Variants in GALNT7 observed in about 807,000 individuals in gnomAD.
GALNT7 encodes the protein polypeptide N-acetylgalactosaminyltransferase 7.
In GALNT7, 60 loss-of-function variants were observed where a neutral mutation model predicts 82.1. The ratio of observed to expected loss-of-function variants is 0.73; its 90% CI spans 0.59 to 0.91. The LOEUF is 0.91. GALNT7 is among the 40% of genes least tolerant of loss of function. The pLI is 0.00. For synonymous variants in GALNT7, 243 were observed against 275.1 expected (o/e 0.88, Z 1.15); for missense variants, 660 against 804.2 (o/e 0.82, Z 2.17).
At chr4:173,309,111 A>C (rs1317742966) in intron 8 of GALNT7, among the ~76,000 whole-genome samples, 2 of 152,248 alleles carry the variant, frequency 1.3e-5, no homozygotes, top group Admixed American at 1.3e-4. Context: ...AACATTTTGG[A>C]AATGTTAAAA....
intron 2 of GALNT7, among the ~76,000 whole-genome samples, chr4:173,270,908 T>C (rs1276246995): frequency 6.6e-6 from 1 of 152,182 alleles, no homozygotes; most frequent in Non-Finnish European, 1.5e-5. Context: ...TCCTGCTCTA[T>C]CAGTATGACA....
rs74536499 is a variant in GALNT7 at position 173,269,630 on chromosome 4, A to C, written c.587+21190A>C. 5.5e-3 allele frequency among the ~76,000 whole-genome samples: 844 copies of C among 152,318 alleles called. 7 individuals carry two copies. Among genetic ancestry groups the C allele is most frequent in the African/African-American group, 0.019 (795 of 41,566 alleles). ...AGGCCCCAAGTGCATCACCTTTCCT[A>C]AATGGTTGGATGCTGTATTGAATCT... On this transcript the variant is annotated intron_variant, in intron 2 of 11. Coordinates refer to ENST00000265000, the MANE Select transcript of GALNT7 (RefSeq NM_017423.3).
intron 8 of GALNT7, among the ~76,000 whole-genome samples, chr4:173,311,231 T>C (rs528970126): frequency 6.6e-5 from 10 of 152,346 alleles, no homozygotes; most frequent in Non-Finnish European, 1.3e-4. Context: ...GAAAACTAAT[T>C]GCTCCTTCTT....
intron 2 of GALNT7, among the ~76,000 whole-genome samples, chr4:173,267,273 T>C (rs1461366632): frequency 6.6e-6 from 1 of 152,010 alleles, no homozygotes; most frequent in East Asian, 1.9e-4. Flanking sequence ...GTGTTGAGGG[T>C]ATGGGCAAAA....
At chr4:173,298,014 TTATC>T (rs769930744) in intron 5 of GALNT7, 97 bp from the exon 6 acceptor site, 21 of 1,538,980 alleles carry the variant, frequency 1.4e-5, no homozygotes, top group East Asian at 4.6e-5. Flanking sequence ...TGTTGAATGT[TTATC>T]TAAGTTCTTT....
At chr4:173,266,132 C>T (rs939720508) in intron 2 of GALNT7, among the ~76,000 whole-genome samples, 1 of 152,096 alleles carries the variant, frequency 6.6e-6, no homozygotes, top group South Asian at 2.1e-4. Flanking sequence ...TAGTGGCGTG[C>T]GGCCATGATC....
intron 1 of GALNT7, among the ~76,000 whole-genome samples, chr4:173,183,750 C>T (rs1167881867): frequency 6.7e-6 from 1 of 149,742 alleles, no homozygotes. Flanking sequence ...TGCCCCCCAC[C>T]TCCCGGACGG....
At chr4:173,206,192 G>T (rs888649426) in intron 1 of GALNT7, among the ~76,000 whole-genome samples, 3 of 152,204 alleles carry the variant, frequency 2.0e-5, no homozygotes, top group African/African-American at 7.2e-5. Flanking sequence ...CAGATCCAAA[G>T]CAAAGTCTAG....
In GALNT7 at chr4:173,244,653, G is replaced by A. The variant is rs186672651; in HGVS notation, c.127-3327G>A. On this transcript the variant is annotated intron_variant, in intron 1 of 11. Coordinates refer to ENST00000265000, the MANE Select transcript of GALNT7 (RefSeq NM_017423.3). The stretch of plus-strand genomic sequence containing the variant: ...TAAGTTAATGTATGTGAAGCACTTA[G>A]GACACAGTGTTTACCATCATCACTA... Among the ~76,000 whole-genome samples, 19 of 152,260 alleles carry A rather than the reference G, an allele frequency of 1.2e-4. No individual in the cohort carries two copies. The East Asian group carries it at 3.5e-3, about 28-fold the overall frequency.
intron 1 of GALNT7, among the ~76,000 whole-genome samples, chr4:173,210,661 G>A (rs374444751): frequency 2.0e-5 from 3 of 152,054 alleles, no homozygotes. Context: ...TGGAACTCTG[G>A]GCTCAAGCGA....
At position 173,302,201 on chromosome 4, in the gene GALNT7, CGTT is replaced by C. The variant is rs1445562977; in HGVS notation, c.1266+38_1266+40del. On this transcript the variant is annotated intron_variant, in intron 7 of 11. Transcript: ENST00000265000. The surrounding 1 kb of genome is among the most constrained non-coding windows in gnomAD (Gnocchi z 4.2). ...TTTCAACAGATGGAATTCTCCAAGT[CGTT>C]ACTAACTTCTGTGGCTTTCAGATAA... 1.1e-6 allele frequency: 1 copy of C among 918,866 alleles called. No individual in the cohort carries two copies. The highest frequency in any genetic ancestry group is 1.7e-5 in the Admixed American group (1 of 58,114). The allele number at this position is 918,866 out of a possible 1,614,324, so 56.9% of individuals were successfully genotyped here.
At chr4:173,184,430 C>T (rs116606517) in intron 1 of GALNT7, among the ~76,000 whole-genome samples, 2,065 of 152,112 alleles carry the variant, frequency 0.014, 39 homozygotes, top group East Asian at 0.056. Flanking sequence ...AACCCCGTCT[C>T]CACCAAGAAA....
chr4:173,247,416 G>C (rs562154085), intron 1 of GALNT7, among the ~76,000 whole-genome samples: 3 of 151,174 alleles, frequency 2.0e-5, no homozygotes, highest in African/African-American at 7.3e-5. Flanking sequence ...TTATACTTCT[G>C]ATTTCAGATA....
rs370313394 is a variant in GALNT7 at position 173,319,275 on chromosome 4, T to TA, written c.1836+723dup. 5.8e-3 allele frequency among the ~76,000 whole-genome samples: 877 copies of TA among 152,186 alleles called. 10 individuals carry two copies. The highest frequency in any genetic ancestry group is 0.02 in the African/African-American group (837 of 41,554). On this transcript the variant is annotated intron_variant, in intron 11 of 11. Transcript: ENST00000265000. The stretch of plus-strand genomic sequence containing the variant: ...AAAAGTGGGGAAAGCTGCCTCACAC[T>TA]AAAAAAATCTGTCAACCCTCCATTT...
chr4:173,225,046 A>T lies in GALNT7; in HGVS notation c.127-22934A>T, dbSNP rs79283798. Among the ~76,000 whole-genome samples the T allele has an allele frequency of 7.3e-4, 62 of 84,872 alleles. 1 individual carries two copies. The South Asian group carries it at 0.027, about 37-fold the overall frequency. 55.7% of individuals were successfully genotyped at this position (84,872 alleles called of 152,430 possible). ...TAATAATAATAATAATAATAATAAT[A>T]ATAATTATAATTATATCTGTGCCCA... On this transcript the variant is annotated intron_variant, in intron 1 of 11. Coordinates refer to ENST00000265000, the MANE Select transcript of GALNT7 (RefSeq NM_017423.3).
intron 9 of GALNT7, among the ~76,000 whole-genome samples, chr4:173,314,551 G>T (rs1737522854): frequency 6.6e-6 from 1 of 152,150 alleles, no homozygotes; most frequent in Admixed American, 6.5e-5. Flanking sequence ...TCAAAAAGAT[G>T]CAGTTCTATG....
At chr4:173,266,152 T>C (rs898205819) in intron 2 of GALNT7, among the ~76,000 whole-genome samples, 2 of 152,054 alleles carry the variant, frequency 1.3e-5, no homozygotes, top group Non-Finnish European at 2.9e-5. Flanking sequence ...CCCAGCTACT[T>C]AGGAGGCTGA....
intron 2 of GALNT7, among the ~76,000 whole-genome samples, chr4:173,280,035 G>C (rs1736056191): frequency 6.6e-6 from 1 of 152,074 alleles, no homozygotes; most frequent in Non-Finnish European, 1.5e-5. Flanking sequence ...TTGAGGATTT[G>C]TTTCCTATGC....
intron 1 of GALNT7, among the ~76,000 whole-genome samples, chr4:173,186,612 T>C (rs1344362552): frequency 6.6e-6 from 1 of 152,208 alleles, no homozygotes; most frequent in African/African-American, 2.4e-5. Flanking sequence ...AAAATGAAAA[T>C]ACTTAAGTTC....
Sources: gnomAD v4.1 joint callset for allele counts (sites outside exome capture counted in the v4.1 genomes callset) on GRCh38, gnomAD v4.1.1 for gene constraint, Gnocchi (gnomAD v3.1) non-coding constraint, MANE v1.5 for transcripts, NCBI Gene and HGNC (gene_info 2026-07-23, HGNC 2026-07-21) for gene names.